The following FSD1 variants were observed in gnomAD, a reference collection of about 807,000 sequenced individuals.
FSD1 encodes the protein fibronectin type III and SPRY domain-containing protein 1.
A neutral mutation model predicts 58.2 loss-of-function variants in FSD1; 23 were observed. The ratio of observed to expected loss-of-function variants is 0.40; its 90% confidence interval spans 0.28 to 0.56. The LOEUF (loss-of-function observed/expected upper bound fraction) is 0.56. Ranked by LOEUF, FSD1 falls within the 20% of genes least tolerant of loss-of-function variation. The probability of loss-of-function intolerance (pLI) is 0.54; values close to 1 mark genes in which losing one functional copy is unlikely to be tolerated. For missense variants in FSD1, 563 were observed against 670.8 expected (o/e 0.84, Z 1.78); for synonymous variants, 265 against 263.4 (o/e 1.01, Z -0.06).
chr19:4,316,573 G>A (rs1201309003), intron 7 of FSD1, among the ~76,000 whole-genome samples: 1 of 150,660 alleles, frequency 6.6e-6, no homozygotes, highest in Non-Finnish European at 1.5e-5. Flanking sequence ...TCAAATAAAT[G>A]TGTCGCCCAG....
chr19:4,312,127 C>T (rs1272009493), intron 7 of FSD1, 76 bp downstream of exon 7: 4 of 1,302,394 alleles, frequency 3.1e-6, no homozygotes, highest in Admixed American at 4.0e-5. Flanking sequence ...CCATCAGTCA[C>T]TGGGGGCCTT....
intron 8 of FSD1, 31 bp downstream of exon 8, chr19:4,317,311 A>G: frequency 7.9e-7 from 1 of 1,267,100 alleles, no homozygotes. Context: ...TCCTACCCCT[A>G]ACTCCATGGC....
At chr19:4,312,788 G>C (rs1009751939) in intron 7 of FSD1, among the ~76,000 whole-genome samples, 1 of 151,538 alleles carries the variant, frequency 6.6e-6, no homozygotes, top group African/African-American at 2.4e-5. Flanking sequence ...CTGGGCGACA[G>C]AGCAAGACTC....
chr19:4,309,140 CAA>C (rs895141491), intron 4 of FSD1, among the ~76,000 whole-genome samples: 1 of 151,920 alleles, frequency 6.6e-6, no homozygotes, highest in African/African-American at 2.4e-5. Flanking sequence ...CCCAGCTACT[CAA>C]GAGGCTGAAG....
chr19:4,309,345 C>G (rs776432802), intron 4 of FSD1, among the ~76,000 whole-genome samples: 11 of 152,108 alleles, frequency 7.2e-5, no homozygotes, highest in Non-Finnish European at 1.6e-4. Context: ...CTAAGAACTG[C>G]ATTTGTGTGA....
intron 1 of FSD1, 78 bp from the exon 2 acceptor site, chr19:4,305,868 A>C (rs1599531963): frequency 1.9e-6 from 2 of 1,033,708 alleles, no homozygotes; most frequent in East Asian, 2.4e-5. Context: ...ACGTGTGTAC[A>C]TGTGCGTACA....
In FSD1 at chr19:4,323,517, C is replaced by T; in HGVS notation, c.1381-16C>T. ...TTGAAGCTGAGCCCCTCCCCCCTCC[C>T]CCCGCTGTCCCTCAGGTATGGTGTG... On this transcript the variant is annotated splice_polypyrimidine_tract_variant and intron_variant, in intron 12 of 12. Coordinates refer to ENST00000221856, the MANE Select transcript of FSD1 (RefSeq NM_024333.3). This position sits in a 1 kb window ranked among gnomAD's most constrained non-coding sequence, Gnocchi z 7.7. 1 of 1,532,706 alleles carries T rather than the reference C, an allele frequency of 6.5e-7. No homozygotes were observed. Among genetic ancestry groups the T allele is most frequent in the Non-Finnish European group, 9.0e-7 (1 of 1,107,438 alleles). 94.9% of individuals were successfully genotyped at this position (1,532,706 alleles called of 1,614,324 possible).
chr19:4,319,075 A>G (rs761335419), intron 10 of FSD1, 124 bp downstream of exon 10: 21 of 738,018 alleles, frequency 2.8e-5, no homozygotes, highest in Non-Finnish European at 4.5e-5. Context: ...TGCTCCCGGA[A>G]TAACAGGTTG....
chr19:4,313,765 G>GC (rs1244015765), intron 7 of FSD1, among the ~76,000 whole-genome samples: 2 of 150,386 alleles, frequency 1.3e-5, no homozygotes, highest in Non-Finnish European at 3.0e-5. Context: ...GGTGGCTCAC[G>GC]CTGTAATCCC....
intron 4 of FSD1, among the ~76,000 whole-genome samples, chr19:4,309,073 T>A (rs1971659315): frequency 6.6e-6 from 1 of 151,874 alleles, no homozygotes; most frequent in African/African-American, 2.4e-5. Context: ...AGACTCTGTT[T>A]CAAAAAATAA....
chr19:4,306,614 C>A (rs567007098), intron 3 of FSD1, among the ~76,000 whole-genome samples: 2 of 152,024 alleles, frequency 1.3e-5, no homozygotes, highest in Non-Finnish European at 2.9e-5. Context: ...ATTACAGGTA[C>A]CCGCCATCAT....
chr19:4,310,112 C>T (rs1972803755), intron 4 of FSD1, among the ~76,000 whole-genome samples, 161 bp from the exon 5 acceptor site: 2 of 152,002 alleles, frequency 1.3e-5, no homozygotes, highest in Admixed American at 1.3e-4. Context: ...CTTGTAATCC[C>T]AGCTACTCAG....
In FSD1 at chr19:4,323,409, C is replaced by T. The variant is rs145635788; in HGVS notation, c.1353C>T (p.Phe451=). 141 of 1,613,784 alleles carry T rather than the reference C, an allele frequency of 8.7e-5. No homozygotes were observed. The highest frequency in any genetic ancestry group is 1.1e-4 in the Non-Finnish European group (127 of 1,179,864). The change falls in exon 12 of 13, where the codon TTC becomes TTT. Residue 451 remains phenylalanine (F), a synonymous_variant. Transcript: ENST00000221856. The surrounding 1 kb of genome is among the most constrained non-coding windows in gnomAD (Gnocchi z 7.7). The part of the protein sequence containing the change: ...KQVLHTFKTR[F]TQPLLPAFTV... ...TGCTGCACACTTTCAAGACCAGGTTCACACAGCCGCTGCTGCCTGCTTTCA... is the reference window on the plus strand; with the variant it reads ...TGCTGCACACTTTCAAGACCAGGTTTACACAGCCGCTGCTGCCTGCTTTCA...
chr19:4,304,930 T>C (rs1202123618), intron 1 of FSD1, among the ~76,000 whole-genome samples, 169 bp downstream of exon 1: 1 of 117,330 alleles, frequency 8.5e-6, no homozygotes, highest in Non-Finnish European at 1.7e-5. Context: ...CTACCCCAGT[T>C]TGGGACGCAG....
intron 1 of FSD1, 136 bp downstream of exon 1, chr19:4,304,897 G>T: frequency 5.0e-6 from 2 of 401,914 alleles, no homozygotes; most frequent in Non-Finnish European, 7.8e-6. Context: ...CCCCATTCGC[G>T]ACCCCGCCCG....
intron 7 of FSD1, 35 bp downstream of exon 7, chr19:4,312,086 G>A: frequency 1.3e-6 from 2 of 1,536,546 alleles, no homozygotes; most frequent in Middle Eastern, 2.0e-4. Flanking sequence ...GCCCAGCTGT[G>A]AACAGCCACC....
rs777760593 is a variant in FSD1, at chr19:4,318,475, G to A, written c.929G>A (p.Arg310Gln). ...IKAREKDGKG[R>Q]TASPINSPAR... ...GCTCGCGAGAAAGATGGCAAGGGGC[G>A]GACGGCGTCTCCCATCAACTCCCCA... The change falls in exon 9 of 13, where the codon CGG becomes CAG. Residue 310 changes from arginine (R) to glutamine (Q), a missense_variant. By Grantham distance (43) the Arg-to-Gln change is conservative (BLOSUM62 1). Coordinates refer to ENST00000221856, the MANE Select transcript of FSD1 (RefSeq NM_024333.3). 8.7e-6 allele frequency: 14 copies of A among 1,612,408 alleles called. No homozygotes were observed. The highest frequency in any genetic ancestry group is 2.2e-5 in the South Asian group (2 of 90,910).
intron 4 of FSD1, among the ~76,000 whole-genome samples, chr19:4,309,908 CAA>C (rs796584941): frequency 2.6e-5 from 3 of 115,992 alleles, no homozygotes; most frequent in African/African-American, 3.4e-5. Context: ...GACTCCATCT[CAA>C]AAAAAAAAAA....
chr19:4,322,850 T>C (rs1436338162), intron 10 of FSD1, 136 bp from the exon 11 acceptor site: 17 of 1,106,432 alleles, frequency 1.5e-5, no homozygotes, highest in Middle Eastern at 6.0e-4. Flanking sequence ...GGGGTACAGC[T>C]AGGAACCTGG....
Sources: gnomAD v4.1 joint callset for allele counts (sites outside exome capture counted in the v4.1 genomes callset) on GRCh38, gnomAD v4.1.1 for gene constraint, Gnocchi (gnomAD v3.1) non-coding constraint, MANE v1.5 for transcripts, NCBI Gene and HGNC (gene_info 2026-07-23, HGNC 2026-07-21) for gene names.